The following SORCS3 variants were observed in gnomAD, a reference collection of about 807,000 sequenced individuals.
SORCS3 encodes the protein VPS10 domain-containing receptor SorCS3.
SORCS3 carries 57 observed loss-of-function variants against 146.3 expected under a neutral mutation model. That is an observed-to-expected ratio of 0.39 (90% confidence interval 0.31 to 0.49). The LOEUF (loss-of-function observed/expected upper bound fraction) is 0.49. SORCS3 is among the 20% of genes least tolerant of loss of function. The pLI is 0.92. For missense variants in SORCS3, 1,341 were observed against 1,575.5 expected (o/e 0.85, Z 2.52); for synonymous variants, 653 against 618.5 (o/e 1.06, Z -0.83).
intron 1 of SORCS3, among the ~76,000 whole-genome samples, chr10:104,780,716 C>A (rs886238356): frequency 6.6e-6 from 1 of 152,154 alleles, no homozygotes; most frequent in East Asian, 1.9e-4. Flanking sequence ...AAACCAATTA[C>A]CTTTAGAGGG....
At chr10:104,692,312 G>A (rs981318089) in intron 1 of SORCS3, among the ~76,000 whole-genome samples, 4 of 152,164 alleles carry the variant, frequency 2.6e-5, no homozygotes, top group Admixed American at 1.3e-4. Flanking sequence ...CAGCCTTCTC[G>A]TCATGTGTCT....
intron 1 of SORCS3, among the ~76,000 whole-genome samples, chr10:104,811,950 T>A (rs144140112): frequency 0.014 from 2,139 of 152,228 alleles, 30 homozygotes; most frequent in African/African-American, 0.036. Context: ...ATGCAATCTA[T>A]GCATCTAATG....
At chr10:104,957,358 A>G (rs948858106) in intron 3 of SORCS3, among the ~76,000 whole-genome samples, 1 of 152,138 alleles carries the variant, frequency 6.6e-6, no homozygotes, top group Non-Finnish European at 1.5e-5. Context: ...AGCCTTCTGA[A>G]TGCGGTTTGT....
intron 1 of SORCS3, among the ~76,000 whole-genome samples, chr10:104,834,703 T>A (rs567496817): frequency 2.6e-5 from 4 of 151,942 alleles, no homozygotes; most frequent in African/African-American, 9.7e-5. Context: ...TACCTATTTT[T>A]TTTTTTTCCT....
chr10:104,946,410 TTCTC>T (rs2133622454), intron 3 of SORCS3, among the ~76,000 whole-genome samples: 1 of 152,242 alleles, frequency 6.6e-6, no homozygotes, highest in African/African-American at 2.4e-5. Context: ...CTTTCTCTCT[TTCTC>T]TCTGCATGCT....
At chr10:105,139,360 C>T (rs770300110) in intron 7 of SORCS3, 37 bp from the exon 8 acceptor site, 2 of 1,480,372 alleles carry the variant, frequency 1.4e-6, no homozygotes, top group South Asian at 1.1e-5. Flanking sequence ...TGATCTGTGG[C>T]CTCATCTGAT....
intron 6 of SORCS3, among the ~76,000 whole-genome samples, chr10:105,100,210 T>C (rs1589632644): frequency 6.6e-6 from 1 of 152,216 alleles, no homozygotes; most frequent in Non-Finnish European, 1.5e-5. Flanking sequence ...TGACTTTTCG[T>C]TTTTGTAAGT....
chr10:105,010,448 G>A (rs2055128109), intron 4 of SORCS3, among the ~76,000 whole-genome samples: 1 of 152,190 alleles, frequency 6.6e-6, no homozygotes, highest in South Asian at 2.1e-4. Context: ...ATTGACAGAA[G>A]GCATCTTATC....
At chr10:104,829,074 C>T (rs2017972766) in intron 1 of SORCS3, among the ~76,000 whole-genome samples, 1 of 152,176 alleles carries the variant, frequency 6.6e-6, no homozygotes, top group South Asian at 2.1e-4. Context: ...ATCGTCTCCT[C>T]CTTTGAACAC....
chr10:104,671,537 G>T (rs1343540747), intron 1 of SORCS3, among the ~76,000 whole-genome samples: 2 of 149,762 alleles, frequency 1.3e-5, no homozygotes, highest in Admixed American at 1.3e-4. Context: ...TAGAGATGAG[G>T]TCTTACTATA....
chr10:104,666,772 T>A (rs866056066), intron 1 of SORCS3, among the ~76,000 whole-genome samples: 7 of 151,274 alleles, frequency 4.6e-5, no homozygotes, highest in South Asian at 2.1e-4. Context: ...TACCCAACTA[T>A]TTTTTTTTAT....
chr10:104,736,061 G>A (rs1341245867), intron 1 of SORCS3, among the ~76,000 whole-genome samples: 1 of 152,114 alleles, frequency 6.6e-6, no homozygotes, highest in Admixed American at 6.5e-5. Context: ...CCCTTGGGCT[G>A]GTGTTAAACA....
chr10:105,221,668 A>T (rs1336981937), intron 19 of SORCS3, among the ~76,000 whole-genome samples: 2 of 152,118 alleles, frequency 1.3e-5, no homozygotes, highest in Non-Finnish European at 2.9e-5. Context: ...ATTACCAGGG[A>T]AGCAAATAAG....
At chr10:104,654,027 C>T (rs571155052) in intron 1 of SORCS3, among the ~76,000 whole-genome samples, 26 of 152,126 alleles carry the variant, frequency 1.7e-4, no homozygotes, top group East Asian at 7.7e-4. Context: ...CATTTTTAGA[C>T]GCCACAAATA....
intron 7 of SORCS3, among the ~76,000 whole-genome samples, chr10:105,132,047 A>G (rs1294340177): frequency 6.6e-6 from 1 of 152,138 alleles, no homozygotes; most frequent in Non-Finnish European, 1.5e-5. Flanking sequence ...ATTCCCCTCC[A>G]CATAGAGGTT....
chr10:105,169,660 T>G (rs1349737968), intron 13 of SORCS3, among the ~76,000 whole-genome samples: 2 of 152,166 alleles, frequency 1.3e-5, no homozygotes, highest in East Asian at 3.9e-4. Flanking sequence ...ACATGCCAGT[T>G]TAAGGGATTA....
chr10:104,882,377 T>C (rs1816395855), intron 2 of SORCS3, among the ~76,000 whole-genome samples: 1 of 152,190 alleles, frequency 6.6e-6, no homozygotes, highest in South Asian at 2.1e-4. Flanking sequence ...TCAGATACTC[T>C]TAGAGCAGAG....
intron 1 of SORCS3, among the ~76,000 whole-genome samples, chr10:104,730,727 T>A (rs1357308239): frequency 1.3e-5 from 2 of 152,182 alleles, no homozygotes; most frequent in Non-Finnish European, 2.9e-5. Context: ...TATAATCATG[T>A]TAGAAGGCAC....
intron 1 of SORCS3, among the ~76,000 whole-genome samples, chr10:104,839,873 C>G (rs1398562187): frequency 2.6e-5 from 4 of 152,054 alleles, no homozygotes; most frequent in African/African-American, 9.7e-5. Flanking sequence ...GGACATCTGA[C>G]CCCCCGGTGA....
Sources: allele counts gnomAD v4.1 joint callset (sites outside exome capture counted in the v4.1 genomes callset), GRCh38; gene constraint gnomAD v4.1.1; transcripts MANE v1.5; gene names NCBI Gene and HGNC (gene_info 2026-07-23, HGNC 2026-07-21).